The following RERE variants were observed in gnomAD, a reference collection of about 807,000 sequenced individuals.
The protein encoded by RERE is arginine-glutamic acid dipeptide repeats protein.
In RERE, 40 loss-of-function variants were observed where a neutral mutation model predicts 146.1. The observed-to-expected ratio is 0.27, with a 90% CI of 0.21 to 0.36. The LOEUF (loss-of-function observed/expected upper bound fraction) is 0.36. Ranked by LOEUF, RERE falls within the 10% of genes least tolerant of loss-of-function variation. RERE has a pLI of 1.00. For synonymous variants in RERE, 1,003 were observed against 866.0 expected, an observed-to-expected ratio of 1.16 and a Z score of -2.78; for missense variants, 1,933 against 2,138.7, an observed-to-expected ratio of 0.90 and a Z score of 1.90.
At chr1:8,809,862 T>A (rs1297699223) in intron 1 of RERE, among the ~76,000 whole-genome samples, 1 of 152,150 alleles carries the variant, frequency 6.6e-6, no homozygotes, top group Non-Finnish European at 1.5e-5. Context: ...ATACAAGACA[T>A]GAAGTGATCA....
intron 1 of RERE, among the ~76,000 whole-genome samples, chr1:8,693,988 T>C (rs2124423787): frequency 6.7e-6 from 1 of 148,300 alleles, no homozygotes; most frequent in Non-Finnish European, 1.5e-5. Flanking sequence ...GCTTAAATGT[T>C]AGGCCTGTTA....
chr1:8,384,064 A>C (rs113194793), intron 12 of RERE, among the ~76,000 whole-genome samples: 1 of 152,182 alleles, frequency 6.6e-6, no homozygotes, highest in African/African-American at 2.4e-5. Context: ...TTAAGCTTGA[A>C]AGAATCTGTG....
chr1:8,765,963 A>G (rs79457017), intron 1 of RERE, among the ~76,000 whole-genome samples: 6 of 151,828 alleles, frequency 4.0e-5, no homozygotes, highest in African/African-American at 1.5e-4. Context: ...AAAAAAAAAA[A>G]TTAGCCGAGT....
At chr1:8,384,237 C>T (rs139100806) in intron 12 of RERE, among the ~76,000 whole-genome samples, 1 of 152,132 alleles carries the variant, frequency 6.6e-6, no homozygotes, top group African/African-American at 2.4e-5. Flanking sequence ...AACATGTAAG[C>T]TGGGATGCAC....
At chr1:8,763,827 A>G (rs550841389) in intron 1 of RERE, among the ~76,000 whole-genome samples, 439 of 151,318 alleles carry the variant, frequency 2.9e-3, no homozygotes, top group Non-Finnish European at 4.0e-3. Context: ...TGTAGTCCCA[A>G]CTACTCGGGA....
intron 1 of RERE, among the ~76,000 whole-genome samples, chr1:8,733,187 G>A (rs1235241191): frequency 6.6e-6 from 1 of 152,146 alleles, no homozygotes; most frequent in Non-Finnish European, 1.5e-5. Flanking sequence ...GAGAGAGAGA[G>A]AGAGTGAGTG....
chr1:8,465,983 C>T lies in RERE; in HGVS notation c.1145G>A (p.Arg382His), dbSNP rs780187350. Residue 382 changes from arginine to histidine, a missense_variant, in exon 11 of 23, where the codon CGC (arginine) becomes CAC (histidine). Around this residue, in one of 11 missense-constraint regions of RERE, gnomAD observed 260 missense variants for 378.4 expected, o/e 0.69. Coordinates refer to ENST00000400908, the MANE Select transcript of RERE (RefSeq NM_001042681.2). ...CTTGGGCACAGGCTTCTTCACCAGGCGCTGCAGGGCTTTGCCAGCATCGTA... is the reference window on the plus strand; with the variant it reads ...CTTGGGCACAGGCTTCTTCACCAGGTGCTGCAGGGCTTTGCCAGCATCGTA... ...SGYDAGKALQ[R>H]LVKKPVPKLI... 5.0e-6 allele frequency: 8 copies of T among 1,613,634 alleles called. No homozygotes were observed. In the East Asian group the frequency reaches 1.1e-4, roughly 22 times the overall value.
At chr1:8,603,098 T>A (rs1248270585) in intron 4 of RERE, among the ~76,000 whole-genome samples, 1 of 152,266 alleles carries the variant, frequency 6.6e-6, no homozygotes, top group African/African-American at 2.4e-5. Context: ...AGGCTCACTT[T>A]TATTTTTCAT....
chr1:8,512,188 C>T (rs1388384604), intron 7 of RERE, among the ~76,000 whole-genome samples: 2 of 148,352 alleles, frequency 1.3e-5, no homozygotes, highest in Non-Finnish European at 3.0e-5. Flanking sequence ...CGCCCGCCAC[C>T]GCGCCCGGCT....
chr1:8,581,174 A>C (rs1646359981), intron 4 of RERE, among the ~76,000 whole-genome samples: 1 of 152,230 alleles, frequency 6.6e-6, no homozygotes, highest in East Asian at 1.9e-4. Context: ...TCTTCAATTT[A>C]GCCATTCTAG....
At chr1:8,552,683 G>C (rs1387969840) in intron 6 of RERE, among the ~76,000 whole-genome samples, 1 of 152,226 alleles carries the variant, frequency 6.6e-6, no homozygotes, top group Non-Finnish European at 1.5e-5. Flanking sequence ...TGAAGAGAAA[G>C]AGAACAAACA....
intron 1 of RERE, among the ~76,000 whole-genome samples, chr1:8,759,876 CAAT>C (rs1165036648): frequency 1.3e-5 from 2 of 150,692 alleles, no homozygotes; most frequent in Non-Finnish European, 3.0e-5. Context: ...CACACACACA[CAAT>C]ATGTCTTGAT....
rs377548746 is a variant in RERE, at chr1:8,516,228, A to G, written c.831-7553T>C. On this transcript the variant is annotated intron_variant, in intron 7 of 22. Coordinates refer to ENST00000400908, the MANE Select transcript of RERE (RefSeq NM_001042681.2). Reference sequence around the variant, plus strand: ...GGACGGAGCAAGACTCTCTCAGAGGAAAAAAAAAAAAAAAAAAAAAATCTA... The same window carrying G: ...GGACGGAGCAAGACTCTCTCAGAGGGAAAAAAAAAAAAAAAAAAAAATCTA... 5.2e-3 allele frequency among the ~76,000 whole-genome samples: 102 copies of G among 19,702 alleles called. 5 individuals are homozygous for G. Among genetic ancestry groups the G allele is most frequent in the African/African-American group, 0.036 (89 of 2,484 alleles). The allele number at this position is 19,702 out of a possible 152,430, so 12.9% of individuals were successfully genotyped here. A position where few individuals can be genotyped will look rare whatever the true frequency, so the allele number is the denominator to read the frequency against.
At chr1:8,443,104 A>G (rs1644271401) in intron 11 of RERE, among the ~76,000 whole-genome samples, 1 of 152,244 alleles carries the variant, frequency 6.6e-6, no homozygotes, top group African/African-American at 2.4e-5. Flanking sequence ...GTTGGAATTT[A>G]TACTTAAAAG....
At chr1:8,738,809 T>C (rs753423063) in intron 1 of RERE, among the ~76,000 whole-genome samples, 1 of 152,202 alleles carries the variant, frequency 6.6e-6, no homozygotes, top group Non-Finnish European at 1.5e-5. Context: ...GAACAGGCTG[T>C]AACCTACAGG....
intron 1 of RERE, among the ~76,000 whole-genome samples, chr1:8,675,423 C>T (rs974131797): frequency 2.7e-5 from 4 of 146,164 alleles, no homozygotes; most frequent in African/African-American, 1.0e-4. Context: ...CTTTGGGAGG[C>T]CAAAGTTGGC....
intron 12 of RERE, among the ~76,000 whole-genome samples, chr1:8,377,883 G>A (rs1170039213): frequency 1.3e-5 from 2 of 152,098 alleles, no homozygotes; most frequent in African/African-American, 4.8e-5. Context: ...GACAGGGGCT[G>A]GAGGGAAATC....
chr1:8,447,259 A>G (rs1644334706), intron 11 of RERE, among the ~76,000 whole-genome samples: 1 of 150,916 alleles, frequency 6.6e-6, no homozygotes, highest in South Asian at 2.1e-4. Context: ...AGCTCGGAGG[A>G]GTTTGTTATT....
At chr1:8,470,324 G>A (rs377027604) in intron 10 of RERE, among the ~76,000 whole-genome samples, 13 of 151,872 alleles carry the variant, frequency 8.6e-5, no homozygotes, top group South Asian at 2.1e-4. Context: ...GTGCAGTGGC[G>A]TGATCTCGAC....
Sources: gnomAD v4.1 joint callset for allele counts (sites outside exome capture counted in the v4.1 genomes callset) on GRCh38, gnomAD v4.1.1 for gene constraint, gnomAD v4.1.1 regional missense constraint, MANE v1.5 for transcripts, NCBI Gene and HGNC (gene_info 2026-07-23, HGNC 2026-07-21) for gene names.